The following NCS1 variants were observed in gnomAD, a reference collection of about 807,000 sequenced individuals.
NCS1 encodes the protein frequenin homolog.
Under a neutral mutation model 28.4 loss-of-function variants are expected in NCS1, and 6 were observed. The ratio of observed to expected loss-of-function variants is 0.21; its 90% CI spans 0.12 to 0.42. NCS1 has a LOEUF of 0.42. Ranked by LOEUF, NCS1 falls within the 10% of genes least tolerant of loss-of-function variation. The pLI is 1.00. For synonymous variants in NCS1, 86 were observed against 99.3 expected, an observed-to-expected ratio of 0.87 and a Z score of 0.79; for missense variants, 131 against 241.4, an observed-to-expected ratio of 0.54 and a Z score of 3.03.
chr9:130,204,481 C>T (rs1390107237), intron 2 of NCS1, among the ~76,000 whole-genome samples: 8 of 151,894 alleles, frequency 5.3e-5, no homozygotes, highest in African/African-American at 1.7e-4. Flanking sequence ...TACTGTAGAG[C>T]TGGGGCCTCA....
At chr9:130,190,495 C>A (rs371378641) in intron 1 of NCS1, among the ~76,000 whole-genome samples, 1 of 152,168 alleles carries the variant, frequency 6.6e-6, no homozygotes, top group Admixed American at 6.5e-5. Flanking sequence ...TGTCACACAA[C>A]TGGAACATGG....
chr9:130,173,207 G>A (rs946497397), intron 1 of NCS1, among the ~76,000 whole-genome samples: 1 of 151,850 alleles, frequency 6.6e-6, no homozygotes, highest in Non-Finnish European at 1.5e-5. Flanking sequence ...TGTGGGGGGG[G>A]GGGTGGCGAG....
At chr9:130,208,047 A>G (rs1833051765) in intron 2 of NCS1, among the ~76,000 whole-genome samples, 1 of 152,056 alleles carries the variant, frequency 6.6e-6, no homozygotes, top group Admixed American at 6.6e-5. Context: ...GGCAGATCCC[A>G]GGCCTGTAAA....
intron 4 of NCS1, among the ~76,000 whole-genome samples, chr9:130,221,312 C>T (rs953477007): frequency 1.5e-4 from 22 of 147,258 alleles, no homozygotes; most frequent in Admixed American, 9.6e-4. Context: ...GTGTGAGCCA[C>T]CGTGCCTGGC....
At chr9:130,207,168 G>A (rs1166755518) in intron 2 of NCS1, among the ~76,000 whole-genome samples, 1 of 152,164 alleles carries the variant, frequency 6.6e-6, no homozygotes, top group Non-Finnish European at 1.5e-5. Context: ...CCACAGCCTC[G>A]GCCTCACTGG....
At position 130,226,730 on chromosome 9, in the gene NCS1, G is replaced by T. The variant is rs1833421373; in HGVS notation, c.*17+226G>T. ...TAGACCCAGATCAGCCTGCGAGTTTGCTTGAACAGAATTTTTCTGGGCGCG... is the reference window on the plus strand; with the variant it reads ...TAGACCCAGATCAGCCTGCGAGTTTTCTTGAACAGAATTTTTCTGGGCGCG... On this transcript the variant is annotated intron_variant, in intron 7 of 7. Transcript: ENST00000372398. The surrounding 1 kb of genome is among the most constrained non-coding windows in gnomAD (Gnocchi z 4.8). 6.6e-6 allele frequency among the ~76,000 whole-genome samples: 1 copy of T among 152,064 alleles called. No individual in the cohort carries two copies. Among genetic ancestry groups the T allele is most frequent in the Admixed American group, 6.6e-5 (1 of 15,262 alleles).
In NCS1 at chr9:130,181,205, C is replaced by T. The variant is rs1193415903; in HGVS notation, c.64+8478C>T. Among the ~76,000 whole-genome samples, 2 of 152,170 alleles carry T rather than the reference C, an allele frequency of 1.3e-5. No homozygotes were observed. The highest frequency in any genetic ancestry group is 1.5e-5 in the Non-Finnish European group (1 of 68,032). On this transcript the variant is annotated intron_variant, in intron 1 of 7. Coordinates refer to ENST00000372398, the MANE Select transcript of NCS1 (RefSeq NM_014286.4). This position sits in a 1 kb window ranked among gnomAD's most constrained non-coding sequence, Gnocchi z 5.0. Reference sequence around the variant, plus strand: ...TTCAAGACCCAGGCCCTTGGATCTTCTCAGCCTCAGGCATGGTTCTTAGCC... The same window carrying T: ...TTCAAGACCCAGGCCCTTGGATCTTTTCAGCCTCAGGCATGGTTCTTAGCC...
intron 2 of NCS1, 100 bp downstream of exon 2, chr9:130,201,082 G>C: frequency 6.6e-7 from 1 of 1,509,920 alleles, no homozygotes; most frequent in East Asian, 2.3e-5. Flanking sequence ...CAGGATGGGG[G>C]CATGTGGAGG....
At chr9:130,224,013 A>T (rs562535130) in intron 6 of NCS1, among the ~76,000 whole-genome samples, 1 of 151,758 alleles carries the variant, frequency 6.6e-6, no homozygotes, top group African/African-American at 2.4e-5. Context: ...TACCTGGCTA[A>T]TTTTTTGTAT....
At chr9:130,207,885 G>A (rs564588649) in intron 2 of NCS1, among the ~76,000 whole-genome samples, 23 of 152,296 alleles carry the variant, frequency 1.5e-4, no homozygotes, top group African/African-American at 4.1e-4. Flanking sequence ...GGTAGAGCCG[G>A]CATTGGTGTC....
chr9:130,187,640 A>G (rs2109622), intron 1 of NCS1, among the ~76,000 whole-genome samples: 143,399 of 152,264 alleles, frequency 0.94, 67,744 homozygotes, highest in East Asian at 1. Flanking sequence ...GGCAGTGGCC[A>G]ATGCTGGTTC....
chr9:130,206,855 C>T (rs1197514160), intron 2 of NCS1, among the ~76,000 whole-genome samples: 3 of 151,244 alleles, frequency 2.0e-5, no homozygotes, highest in South Asian at 2.1e-4. Flanking sequence ...GGGGTGGGAG[C>T]GGCAGTAGGA....
intron 1 of NCS1, among the ~76,000 whole-genome samples, chr9:130,184,696 C>T (rs371891752): frequency 8.5e-5 from 13 of 152,108 alleles, no homozygotes; most frequent in African/African-American, 1.2e-4. Context: ...GGTGCAATCT[C>T]GGCTCACTGC....
At position 130,226,372 on chromosome 9, in the gene NCS1, C is replaced by T. The variant is rs782176326; in HGVS notation, c.475-17C>T. ...CTGGGAGGCCCTGCACCCTCAGCCG[C>T]CTCTCTCTGCTCACAGAATGCCGAC... On this transcript the variant is annotated splice_polypyrimidine_tract_variant and intron_variant, in intron 6 of 7. Transcript: ENST00000372398. The surrounding 1 kb of genome is among the most constrained non-coding windows in gnomAD (Gnocchi z 4.8). The T allele has an allele frequency of 2.6e-5, 42 of 1,610,552 alleles. No homozygotes were observed. Among genetic ancestry groups the T allele is most frequent in the Non-Finnish European group, 3.5e-5 (41 of 1,177,084 alleles).
chr9:130,222,238 T>A (rs1833340143), intron 4 of NCS1, among the ~76,000 whole-genome samples: 1 of 151,312 alleles, frequency 6.6e-6, no homozygotes, highest in South Asian at 2.1e-4. Context: ...TATTGCAAAC[T>A]TCGCCTCCTG....
intron 4 of NCS1, among the ~76,000 whole-genome samples, chr9:130,221,377 C>CATATATATAT (rs370084084): frequency 2.4e-5 from 2 of 84,722 alleles, no homozygotes; most frequent in African/African-American, 9.1e-5. Flanking sequence ...TATAAAATAT[C>CATATATATAT]ATATATATAT....
At chr9:130,190,808 T>A (rs971775244) in intron 1 of NCS1, among the ~76,000 whole-genome samples, 1 of 152,160 alleles carries the variant, frequency 6.6e-6, no homozygotes, top group Non-Finnish European at 1.5e-5. Context: ...GTTGAGTGCT[T>A]TGCCTCTCTG....
At position 130,237,231 on chromosome 9, in the gene NCS1, C is replaced by G. The variant is rs1348707210; in HGVS notation, c.*4259C>G. 6.6e-6 allele frequency: 1 copy of G among 152,248 alleles called. No individual in the cohort carries two copies. Among genetic ancestry groups the G allele is most frequent in the African/African-American group, 2.4e-5 (1 of 41,406 alleles). The allele number at this position is 152,248 out of a possible 1,614,324, so 9.4% of individuals were successfully genotyped here. Reference sequence around the variant, plus strand: ...TGGACAGGGGCCGTGTAGCATGCCCCAGCCTCCCCAAGCTCCTGCTGTATG... The same window carrying G: ...TGGACAGGGGCCGTGTAGCATGCCCGAGCCTCCCCAAGCTCCTGCTGTATG... On this transcript the variant is annotated 3_prime_UTR_variant, in exon 8 of 8. Transcript: ENST00000372398.
rs1554912769 is a variant in NCS1, at chr9:130,235,125, C to CA, written c.*2153_*2154insA. ...TGCACGCTGGCCCCACGGTAACCCC[C>CA]CCTCCCCCACCAACATCCTGCAGGG... On this transcript the variant is annotated 3_prime_UTR_variant, in exon 8 of 8. Coordinates refer to ENST00000372398, the MANE Select transcript of NCS1 (RefSeq NM_014286.4). 1 of 152,236 alleles carries CA rather than the reference C, an allele frequency of 6.6e-6. No homozygotes were observed. Among genetic ancestry groups the CA allele is most frequent in the Non-Finnish European group, 1.5e-5 (1 of 68,182 alleles). 9.4% of individuals were successfully genotyped at this position (152,236 alleles called of 1,614,324 possible).
Sources: allele counts gnomAD v4.1 joint callset (sites outside exome capture counted in the v4.1 genomes callset), GRCh38; gene constraint gnomAD v4.1.1; non-coding constraint Gnocchi (gnomAD v3.1); transcripts MANE v1.5; gene names NCBI Gene and HGNC (gene_info 2026-07-23, HGNC 2026-07-21).